BPIFB3: variants seen among roughly 807,000 people sequenced by gnomAD.
The protein encoded by BPIFB3 is BPI fold containing family B member 3.
Under a neutral mutation model 53.1 loss-of-function variants are expected in BPIFB3, and 49 were observed. The observed-to-expected ratio is 0.92, with a 90% CI of 0.73 to 1.17. The LOEUF is 1.17. Among genes scored for constraint, BPIFB3 ranks in the 50% most tolerant of loss-of-function variants. The probability of loss-of-function intolerance (pLI) is 0.00; values close to 1 mark genes in which losing one functional copy is unlikely to be tolerated. For synonymous variants in BPIFB3, 271 were observed against 269.6 expected, an observed-to-expected ratio of 1.01 and a Z score of -0.05; for missense variants, 628 against 592.5, an observed-to-expected ratio of 1.06 and a Z score of -0.62.
In BPIFB3 at chr20:33,059,873, C is replaced by CA. The variant is rs1568993039; in HGVS notation, c.387-17dup. ...GGAGCTGGCTGCCTGGCCACACCCC[C>CA]AGTGTCCTTTCTTGCAGCCCCCTTG... On this transcript the variant is annotated splice_polypyrimidine_tract_variant and intron_variant, in intron 3 of 14. Coordinates refer to ENST00000375494, the Ensembl canonical transcript of BPIFB3. 1 of 1,612,494 alleles carries CA rather than the reference C, an allele frequency of 6.2e-7. No homozygotes were observed. The highest frequency in any genetic ancestry group is 1.1e-5 in the South Asian group (1 of 90,814).
exon 6 of BPIFB3, chr20:33,063,635 T>G: frequency 6.2e-7 from 1 of 1,614,050 alleles, no homozygotes; most frequent in East Asian, 2.2e-5. Context: ...TGGTGGACAG[T>G]GTGCTGGGTG....
intron 4 of BPIFB3, among the ~76,000 whole-genome samples, chr20:33,060,721 C>G (rs1980419595): frequency 6.6e-6 from 1 of 152,142 alleles, no homozygotes; most frequent in Admixed American, 6.5e-5. Flanking sequence ...GGGCGCCCAC[C>G]ACCATGCTAA....
intron 14 of BPIFB3, 148 bp from the exon 16 acceptor site, chr20:33,073,428 A>AT (rs1980983733): frequency 2.6e-6 from 2 of 777,652 alleles, no homozygotes; most frequent in African/African-American, 1.8e-5. Context: ...ACTGGATGTC[A>AT]TTTTTTCATC....
At position 33,072,183 on chromosome 20, in the gene BPIFB3, C is replaced by A. The variant is rs1389642955; in HGVS notation, c.1324+16C>A. ...AAGCTTAACGGTATGGCAGGTTTTGCTCTCTTGGACACATGGAGTGTCTGA... is the reference window on the plus strand; with the variant it reads ...AAGCTTAACGGTATGGCAGGTTTTGATCTCTTGGACACATGGAGTGTCTGA... On this transcript the variant is annotated intron_variant, in intron 13 of 14. Coordinates refer to ENST00000375494, the Ensembl canonical transcript of BPIFB3. 6.2e-7 allele frequency: 1 copy of A among 1,613,602 alleles called. No individual in the cohort carries two copies. The highest frequency in any genetic ancestry group is 1.1e-5 in the South Asian group (1 of 91,064).
rs998573044 is a variant in BPIFB3 at position 33,071,306 on chromosome 20, G to A, written c.1260+11G>A. The A allele has an allele frequency of 2.6e-6, 4 of 1,558,194 alleles. No homozygotes were observed. Among genetic ancestry groups the A allele is most frequent in the Non-Finnish European group, 3.5e-6 (4 of 1,149,834 alleles). On this transcript the variant is annotated intron_variant, in intron 12 of 14. Transcript: ENST00000375494. ...ACCCATGCCTTTGACGTAAGTTCCT[G>A]GGAGGGTGAGGGGCTTGGCAGTGAT...
At chr20:33,056,005 A>G (rs953463282) in intron 1 of BPIFB3, among the ~76,000 whole-genome samples, 8 of 152,130 alleles carry the variant, frequency 5.3e-5, no homozygotes, top group Non-Finnish European at 1.0e-4. Context: ...GCCTGCCTCT[A>G]CTCTACAGGG....
In BPIFB3 at chr20:33,059,967, G is replaced by A. The variant is rs376567897; in HGVS notation, c.463G>A (p.Gly155Ser). 3.8e-5 allele frequency: 61 copies of A among 1,614,036 alleles called. No individual in the cohort carries two copies. Among genetic ancestry groups the A allele is most frequent in the Non-Finnish European group, 4.3e-5 (51 of 1,180,034 alleles). ...GGTGGCGCTGGCCGTGAGCTCAAGG[G>A]GCACACCCATCCTTATCCTCAAGCG... The change falls in exon 4 of 15, where the codon GGC (glycine) becomes AGC (serine). Residue 155 changes from glycine (G) to serine (S), a missense_variant. Gly to Ser is a moderately conservative substitution (Grantham distance 56). Transcript: ENST00000375494.
At chr20:33,062,374 A>T (rs1980496261) in intron 5 of BPIFB3, among the ~76,000 whole-genome samples, 1 of 152,232 alleles carries the variant, frequency 6.6e-6, no homozygotes, top group Admixed American at 6.5e-5. Context: ...AGCAAAGGGC[A>T]GTCAGGCCTC....
In BPIFB3 at chr20:33,064,756, C is replaced by T. The variant is rs1466643338; in HGVS notation, c.835C>T (p.Gln279Ter). Reference sequence around the variant, plus strand: ...GCCCCCCAAGAAGGACCACACATCCCAGGTGATGGTGCCACTGTACCTCTT... The same window carrying T: ...GCCCCCCAAGAAGGACCACACATCCTAGGTGATGGTGCCACTGTACCTCTT... The change falls in exon 8 of 15, where the codon CAG becomes TAG. Residue 279 changes from glutamine (Q) to a stop codon, truncating the protein, a stop_gained. Transcript: ENST00000375494. LOFTEE classifies it high-confidence loss of function. The T allele has an allele frequency of 6.8e-6, 11 of 1,614,160 alleles. No individual in the cohort carries two copies. The highest frequency in any genetic ancestry group is 9.3e-6 in the Non-Finnish European group (11 of 1,180,030).
intron 13 of BPIFB3, 134 bp from the exon 15 acceptor site, chr20:33,072,580 TAAG>T: frequency 1.4e-6 from 1 of 735,826 alleles, no homozygotes; most frequent in Non-Finnish European, 2.3e-6. Flanking sequence ...AGTTTGCCAA[TAAG>T]AAGCTGATTC....
In BPIFB3 at chr20:33,069,975, A is replaced by G. The variant is rs1980818955; in HGVS notation, c.1217+20A>G. 6.2e-7 allele frequency: 1 copy of G among 1,612,058 alleles called. No homozygotes were observed. The highest frequency in any genetic ancestry group is 1.7e-4 in the Middle Eastern group (1 of 6,056). On this transcript the variant is annotated intron_variant, in intron 11 of 14. Coordinates refer to ENST00000375494, the Ensembl canonical transcript of BPIFB3. The stretch of plus-strand genomic sequence containing the variant: ...GGAACGGTAACTTGGGATCCTGGGG[A>G]CAGGATCTTGTTCTTGTCTTTAGGA...
chr20:33,058,640 G>A (rs1980314562), intron 2 of BPIFB3, among the ~76,000 whole-genome samples: 1 of 152,062 alleles, frequency 6.6e-6, no homozygotes, highest in African/African-American at 2.4e-5. Flanking sequence ...TGAGGCTGGA[G>A]TCTCAGACAT....
At chr20:33,058,832 T>A (rs1322698416) in intron 2 of BPIFB3, among the ~76,000 whole-genome samples, 1 of 151,670 alleles carries the variant, frequency 6.6e-6, no homozygotes, top group Non-Finnish European at 1.5e-5. Flanking sequence ...GCACGTGAAC[T>A]GGGAGGAGTC....
At position 33,059,946 on chromosome 20, in the gene BPIFB3, G is replaced by T. The variant is rs1252221890; in HGVS notation, c.442G>T (p.Ala148Ser). ...GGAGGTGAACGTGACATCGCGGGTG[G>T]CGCTGGCCGTGAGCTCAAGGGGCAC... The change falls in exon 4 of 15, where the codon GCG becomes TCG. Residue 148 changes from alanine to serine, a missense_variant. Physicochemically the swap from Ala to Ser is moderately conservative, Grantham distance 99. Coordinates refer to ENST00000375494, the Ensembl canonical transcript of BPIFB3. The T allele has an allele frequency of 1.1e-5, 17 of 1,614,044 alleles. No individual in the cohort carries two copies. Among genetic ancestry groups the T allele is most frequent in the Non-Finnish European group, 1.4e-5 (16 of 1,180,020 alleles).
chr20:33,068,260 G>C (rs1980744541), intron 9 of BPIFB3, among the ~76,000 whole-genome samples: 1 of 152,224 alleles, frequency 6.6e-6, no homozygotes, highest in Admixed American at 6.5e-5. Context: ...AGCATGGAGT[G>C]GCGAAGCTGG....
intron 10 of BPIFB3, among the ~76,000 whole-genome samples, chr20:33,069,249 C>T (rs1314507527): frequency 6.6e-6 from 1 of 152,144 alleles, no homozygotes; most frequent in African/African-American, 2.4e-5. Context: ...CTCCCCATCT[C>T]CCCAGCCTCT....
chr20:33,062,586 G>A (rs1980504560), intron 5 of BPIFB3, among the ~76,000 whole-genome samples: 1 of 152,210 alleles, frequency 6.6e-6, no homozygotes, highest in South Asian at 2.1e-4. Context: ...GCATTTCAAC[G>A]GCAGCCCCTA....
chr20:33,055,578 G>A (rs1355623171), intron 1 of BPIFB3, 31 bp downstream of exon 2: 2 of 1,612,352 alleles, frequency 1.2e-6, no homozygotes, highest in Non-Finnish European at 1.7e-6. Flanking sequence ...CTGTGAGGGG[G>A]CTGCTGCAAT....
chr20:33,070,104 G>A (rs1010519160), intron 11 of BPIFB3, 149 bp downstream of exon 12: 34 of 841,562 alleles, frequency 4.0e-5, no homozygotes, highest in Non-Finnish European at 6.6e-5. Flanking sequence ...CCGCCAGGGA[G>A]GAGACAGTGT....
Sources: gnomAD v4.1 joint callset for allele counts (sites outside exome capture counted in the v4.1 genomes callset) on GRCh38, gnomAD v4.1.1 for gene constraint, MANE v1.5 for transcripts, NCBI Gene and HGNC (gene_info 2026-07-23, HGNC 2026-07-21) for gene names.